Variants in MYO5B observed in about 807,000 individuals in gnomAD.
MYO5B encodes myosin VB, also known as unconventional myosin-Vb.
MYO5B carries 143 observed loss-of-function variants against 229.3 expected under a neutral mutation model. That is an observed-to-expected ratio of 0.62 (90% CI 0.54 to 0.72). The LOEUF is 0.72. MYO5B is among the 30% of genes least tolerant of loss of function. The pLI is 0.00. For synonymous variants in MYO5B, 918 were observed against 885.2 expected (o/e 1.04, Z -0.66); for missense variants, 2,321 against 2,331.0 (o/e 1.00, Z 0.09).
At chr18:50,051,216 T>G (rs2030383946) in intron 2 of MYO5B, among the ~76,000 whole-genome samples, 1 of 152,232 alleles carries the variant, frequency 6.6e-6, no homozygotes, top group Non-Finnish European at 1.5e-5. Context: ...TTTAAACAGA[T>G]GTAGGGTTAC....
chr18:50,155,855 G>A (rs1567526), intron 1 of MYO5B, among the ~76,000 whole-genome samples: 48,193 of 152,052 alleles, frequency 0.32, 8,104 homozygotes, highest in Admixed American at 0.45. Flanking sequence ...CAGTGGCACC[G>A]AAGATGACTT....
intron 1 of MYO5B, among the ~76,000 whole-genome samples, chr18:50,128,074 G>GA (rs2095314986): frequency 6.6e-6 from 1 of 152,224 alleles, no homozygotes; most frequent in Admixed American, 6.5e-5. Flanking sequence ...TGGGTTTCCA[G>GA]CTTGCTGAAT....
At chr18:50,165,094 A>C (rs984160820) in intron 1 of MYO5B, among the ~76,000 whole-genome samples, 1 of 152,198 alleles carries the variant, frequency 6.6e-6, no homozygotes, top group Non-Finnish European at 1.5e-5. Flanking sequence ...TCAAGGGTTG[A>C]CCTGCAGGTT....
At chr18:50,058,422 A>G (rs936691502) in intron 1 of MYO5B, among the ~76,000 whole-genome samples, 44 of 152,228 alleles carry the variant, frequency 2.9e-4, no homozygotes, top group African/African-American at 1.0e-3. Context: ...GTGAGCTACA[A>G]TTGTGCCACT....
intron 9 of MYO5B, among the ~76,000 whole-genome samples, chr18:49,977,686 G>A (rs1284558051): frequency 6.6e-6 from 1 of 152,172 alleles, no homozygotes; most frequent in African/African-American, 2.4e-5. Flanking sequence ...CTTTGCCATT[G>A]TCATTCTAAC....
intron 17 of MYO5B, among the ~76,000 whole-genome samples, chr18:49,913,147 C>T (rs1055833005): frequency 1.3e-5 from 2 of 152,160 alleles, no homozygotes; most frequent in African/African-American, 2.4e-5. Context: ...TACAACACCC[C>T]TACCTATGTA....
At chr18:49,964,441 T>C (rs2025598951) in intron 10 of MYO5B, among the ~76,000 whole-genome samples, 1 of 152,202 alleles carries the variant, frequency 6.6e-6, no homozygotes, top group African/African-American at 2.4e-5. Context: ...TCTGTGAATA[T>C]GCAAACACAG....
chr18:50,072,805 T>G (rs905914850), intron 1 of MYO5B, among the ~76,000 whole-genome samples: 2 of 149,988 alleles, frequency 1.3e-5, no homozygotes, highest in Non-Finnish European at 3.0e-5. Context: ...GAGATGCCAA[T>G]AGGGAGCTCC....
intron 39 of MYO5B, among the ~76,000 whole-genome samples, chr18:49,829,873 A>G (rs1250049908): frequency 1.3e-5 from 2 of 152,210 alleles, no homozygotes; most frequent in Non-Finnish European, 2.9e-5. Flanking sequence ...GGAGAAAAGC[A>G]TTTGCCAAAA....
At chr18:49,922,816 T>C (rs1326525344) in intron 17 of MYO5B, among the ~76,000 whole-genome samples, 1 of 152,106 alleles carries the variant, frequency 6.6e-6, no homozygotes, top group Non-Finnish European at 1.5e-5. Context: ...AAGTATCTGC[T>C]AGAAAAAAGT....
At chr18:49,945,134 A>G (rs1787294) in intron 14 of MYO5B, among the ~76,000 whole-genome samples, 89,049 of 151,692 alleles carry the variant, frequency 0.59, 26,589 homozygotes, top group Middle Eastern at 0.74. Flanking sequence ...CTGCACTTCC[A>G]TCCTTTGCAT....
At chr18:49,913,586 T>A (rs1049170621) in intron 17 of MYO5B, among the ~76,000 whole-genome samples, 2 of 151,990 alleles carry the variant, frequency 1.3e-5, no homozygotes, top group Admixed American at 6.6e-5. Flanking sequence ...TGGAAGTAAT[T>A]TATGTGACTG....
intron 5 of MYO5B, among the ~76,000 whole-genome samples, 155 bp from the exon 6 acceptor site, chr18:49,992,586 C>T (rs752311285): frequency 2.4e-4 from 36 of 152,258 alleles, no homozygotes; most frequent in Non-Finnish European, 4.0e-4. Context: ...AAGAATAAAA[C>T]AAAAACTTGA....
At chr18:50,163,427 TA>T (rs2032799459) in intron 1 of MYO5B, among the ~76,000 whole-genome samples, 1 of 152,332 alleles carries the variant, frequency 6.6e-6, no homozygotes, top group Non-Finnish European at 1.5e-5. Context: ...GCAGATTTCA[TA>T]AGCAATGGCT....
At chr18:49,868,931 G>A (rs1339374316) in intron 27 of MYO5B, among the ~76,000 whole-genome samples, 1 of 152,228 alleles carries the variant, frequency 6.6e-6, no homozygotes, top group Non-Finnish European at 1.5e-5. Flanking sequence ...AGGATCAGCA[G>A]AAATTTCTAA....
At chr18:50,151,492 TA>T (rs1361887897) in intron 1 of MYO5B, among the ~76,000 whole-genome samples, 5 of 152,174 alleles carry the variant, frequency 3.3e-5, no homozygotes, top group South Asian at 2.1e-4. Flanking sequence ...CCTTCTTGGA[TA>T]GGGGTGGGCT....
intron 1 of MYO5B, among the ~76,000 whole-genome samples, chr18:50,077,168 TAAA>T (rs71169476): frequency 0.069 from 5,607 of 81,360 alleles, 148 homozygotes; most frequent in African/African-American, 0.095. Context: ...TGTGGCAAAG[TAAA>T]AAAAAAAAAA....
Position 50,142,656 on chromosome 18 carries a change from G to A in MYO5B, c.27+52111C>T, listed in dbSNP as rs1024986258. On this transcript the variant is annotated intron_variant, in intron 1 of 39. Transcript: ENST00000285039. ...TCACTTGTCTGCCTTGCTCTGTAGTGTGGGCACCAAAGTTCCCCAGTCCAC... is the reference window on the plus strand; with the variant it reads ...TCACTTGTCTGCCTTGCTCTGTAGTATGGGCACCAAAGTTCCCCAGTCCAC... Among the ~76,000 whole-genome samples, 8 of 152,176 alleles carry A rather than the reference G, an allele frequency of 5.3e-5. 1 individual carries two copies. The highest frequency in any genetic ancestry group is 2.4e-5 in the African/African-American group (1 of 41,438).
intron 27 of MYO5B, 72 bp downstream of exon 27, chr18:49,872,095 C>T: frequency 6.9e-7 from 1 of 1,456,688 alleles, no homozygotes; most frequent in Non-Finnish European, 9.6e-7. Context: ...GCCTGATTTC[C>T]TGATGCCCAG....
Sources: gnomAD v4.1 joint callset for allele counts (sites outside exome capture counted in the v4.1 genomes callset) on GRCh38, gnomAD v4.1.1 for gene constraint, MANE v1.5 for transcripts, NCBI Gene and HGNC (gene_info 2026-07-23, HGNC 2026-07-21) for gene names.